Variants in KLHL26 observed in about 807,000 individuals in gnomAD.
KLHL26 encodes kelch-like protein 26.
KLHL26 carries 4 observed loss-of-function variants against 7.1 expected under a neutral mutation model. The observed-to-expected ratio is 0.56, with a 90% CI of 0.28 to 1.28. KLHL26 has a LOEUF of 1.28. KLHL26 is among the 50% of genes most tolerant of loss of function. The pLI is 0.11. For synonymous variants in KLHL26, 465 were observed against 414.1 expected, an observed-to-expected ratio of 1.12 and a Z score of -1.49; for missense variants, 896 against 924.6, an observed-to-expected ratio of 0.97 and a Z score of 0.40.
At chr19:18,664,138 C>A (rs1199565941) in intron 1 of KLHL26, 123 bp from the exon 2 acceptor site, 6 of 795,124 alleles carry the variant, frequency 7.5e-6, no homozygotes, top group African/African-American at 5.3e-5. Flanking sequence ...GGGCATTTCA[C>A]GTCAGTGGAG....
Position 18,646,913 on chromosome 19 carries a change from A to G in KLHL26, c.83+9776A>G, listed in dbSNP as rs1976811977. Reference sequence around the variant, plus strand: ...ACGTCCAGCGTGAGCTGGAGAGGGCAGGTTCCGCCAGGAGTAGGCCTGGGA... The same window carrying G: ...ACGTCCAGCGTGAGCTGGAGAGGGCGGGTTCCGCCAGGAGTAGGCCTGGGA... On this transcript the variant is annotated intron_variant, in intron 1 of 2. Transcript: ENST00000300976. The surrounding 1 kb of genome is among the most constrained non-coding windows in gnomAD (Gnocchi z 5.0). Among the ~76,000 whole-genome samples the G allele has an allele frequency of 7.1e-6, 1 of 140,524 alleles. No individual in the cohort carries two copies. The highest frequency in any genetic ancestry group is 2.6e-5 in the African/African-American group (1 of 37,916). The allele number at this position is 140,524 out of a possible 152,430, so 92.2% of individuals were successfully genotyped here.
chr19:18,645,478 G>T (rs1976785986), intron 1 of KLHL26, among the ~76,000 whole-genome samples: 2 of 152,052 alleles, frequency 1.3e-5, no homozygotes, highest in Admixed American at 1.3e-4. Flanking sequence ...GAGGTGGGGG[G>T]ATCTGGGTGA....
At chr19:18,667,334 C>T (rs529920328) in intron 2 of KLHL26, 1 of 409,724 alleles carries the variant, frequency 2.4e-6, no homozygotes, top group Non-Finnish European at 4.6e-6. Context: ...TGTGCCTGGC[C>T]TTTGCATGTT....
Position 18,670,462 on chromosome 19 carries a change from T to C in KLHL26, c.*1217T>C, listed in dbSNP as rs1010012088. On this transcript the variant is annotated 3_prime_UTR_variant, in exon 3 of 3. Transcript: ENST00000300976. ...TCTTAGCAGACATCGTCTCCTAATA[T>C]TTCCCTTTATTTAATAAAAATGTTA... is the stretch of plus-strand genomic sequence containing the variant. 6.6e-6 allele frequency: 1 copy of C among 152,188 alleles called. No homozygotes were observed. The highest frequency in any genetic ancestry group is 1.5e-5 in the Non-Finnish European group (1 of 68,034). 9.4% of individuals were successfully genotyped at this position (152,188 alleles called of 1,614,324 possible). A position where few individuals can be genotyped will look rare whatever the true frequency, so the allele number is the denominator to read the frequency against.
At chr19:18,637,656 G>C (rs1346293415) in intron 1 of KLHL26, among the ~76,000 whole-genome samples, 1 of 151,246 alleles carries the variant, frequency 6.6e-6, no homozygotes, top group Non-Finnish European at 1.5e-5. Flanking sequence ...GGCTCTGGGT[G>C]GGGGACTTAG....
chr19:18,671,036 C>T lies in KLHL26; in HGVS notation c.*1791C>T, dbSNP rs1268372651. ...ACCAACCTTGGCACTTTGGAAGAGC[C>T]TTCAGCCCCCTATTCTCATCATGGC... On this transcript the variant is annotated 3_prime_UTR_variant, in exon 3 of 3. Coordinates refer to ENST00000300976, the MANE Select transcript of KLHL26 (RefSeq NM_018316.3). The T allele has an allele frequency of 1.3e-5, 2 of 152,292 alleles. No homozygotes were observed. Among genetic ancestry groups the T allele is most frequent in the African/African-American group, 2.4e-5 (1 of 41,434 alleles). 9.4% of individuals were successfully genotyped at this position (152,292 alleles called of 1,614,324 possible).
At position 18,670,178 on chromosome 19, in the gene KLHL26, G is replaced by A. The variant is rs1301549768; in HGVS notation, c.*933G>A. The A allele has an allele frequency of 6.6e-6, 1 of 152,208 alleles. No individual in the cohort carries two copies. The highest frequency in any genetic ancestry group is 1.5e-5 in the Non-Finnish European group (1 of 68,054). The allele number at this position is 152,208 out of a possible 1,614,324, so 9.4% of individuals were successfully genotyped here. A position where few individuals can be genotyped will look rare whatever the true frequency, so the allele number is the denominator to read the frequency against. On this transcript the variant is annotated 3_prime_UTR_variant, in exon 3 of 3. Transcript: ENST00000300976. ...CACTCCCTGGCCTGCCCTGTTTTTG[G>A]GTCAACATTGCTACGGAGCCAGCAG...
rs116391575 is a variant in KLHL26 at position 18,661,534 on chromosome 19, T to C, written c.84-2727T>C. Among the ~76,000 whole-genome samples, 154 of 152,268 alleles carry C rather than the reference T, an allele frequency of 1.0e-3. 1 individual carries two copies. The highest frequency in any genetic ancestry group is 3.6e-3 in the African/African-American group (150 of 41,552). On this transcript the variant is annotated intron_variant, in intron 1 of 2. Transcript: ENST00000300976. ...CTGCCTCTTCCTTCCTCCTGCAGCC[T>C]TGACGTCATCCCCTGCATGCAACAT...
At chr19:18,643,289 AC>A (rs1976746832) in intron 1 of KLHL26, among the ~76,000 whole-genome samples, 1 of 151,394 alleles carries the variant, frequency 6.6e-6, no homozygotes, top group Non-Finnish European at 1.5e-5. Context: ...TACTAAAAAT[AC>A]AAAAATTAGC....
At chr19:18,643,350 C>T (rs1976747878) in intron 1 of KLHL26, among the ~76,000 whole-genome samples, 1 of 146,070 alleles carries the variant, frequency 6.8e-6, no homozygotes, top group African/African-American at 2.5e-5. Flanking sequence ...GAGGCTGAGG[C>T]AAGAGAATCA....
Position 18,664,456 on chromosome 19 carries a change from C to A in KLHL26, c.266+13C>A. ...GCGACTACTTCAGGTAAGTGCTGGC[C>A]CCAGGCAGCTGGAAGGGGCGGCTGC... On this transcript the variant is annotated intron_variant, in intron 2 of 2. Transcript: ENST00000300976. The A allele has an allele frequency of 6.5e-7, 1 of 1,542,228 alleles. No homozygotes were observed.
chr19:18,652,687 A>C, intron 1 of KLHL26, among the ~76,000 whole-genome samples: 1 of 147,946 alleles, frequency 6.8e-6, no homozygotes. Flanking sequence ...CTCAAACCCC[A>C]CCTCCCTGGC....
chr19:18,669,255 C>A lies in KLHL26; in HGVS notation c.*10C>A. ...CGGGACCAGGAGGTAGCCCCCAAGACCCCCGGGACCCTGGCCTGACCGCAT... is the reference window on the plus strand; with the variant it reads ...CGGGACCAGGAGGTAGCCCCCAAGAACCCCGGGACCCTGGCCTGACCGCAT... On this transcript the variant is annotated 3_prime_UTR_variant, in exon 3 of 3. Transcript: ENST00000300976. 2 of 1,598,196 alleles carry A rather than the reference C, an allele frequency of 1.3e-6. No homozygotes were observed. Among genetic ancestry groups the A allele is most frequent in the Middle Eastern group, 1.7e-4 (1 of 5,970 alleles).
rs190905566 is a variant in KLHL26, at chr19:18,668,171, G to C, written c.774G>C (p.Ser258=). ...LCHIRFPLMQ[S]SELVDSVQTL... Reference sequence around the variant, plus strand: ...ACATTCGCTTCCCGCTCATGCAGTCGTCCGAGCTGGTGGACAGCGTGCAGA... The same window carrying C: ...ACATTCGCTTCCCGCTCATGCAGTCCTCCGAGCTGGTGGACAGCGTGCAGA... Residue 258 remains serine (S), a synonymous_variant, in exon 3 of 3, where the codon TCG becomes TCC. Transcript: ENST00000300976. 5.6e-6 allele frequency: 9 copies of C among 1,609,816 alleles called. No individual in the cohort carries two copies. The South Asian group carries it at 9.9e-5, about 18-fold the overall frequency.
chr19:18,652,264 G>A (rs972138339), intron 1 of KLHL26, among the ~76,000 whole-genome samples: 1 of 152,110 alleles, frequency 6.6e-6, no homozygotes, highest in Non-Finnish European at 1.5e-5. Flanking sequence ...AGGTCTTGTG[G>A]GGAGGAACAA....
intron 1 of KLHL26, chr19:18,659,566 C>T (rs1427024082): frequency 2.6e-5 from 4 of 152,360 alleles, no homozygotes; most frequent in Admixed American, 6.5e-5. Context: ...CGTTCTGGCC[C>T]GAGCGCTGGG....
intron 2 of KLHL26, among the ~76,000 whole-genome samples, chr19:18,666,539 C>T (rs1290945159): frequency 6.6e-6 from 1 of 152,192 alleles, no homozygotes; most frequent in Non-Finnish European, 1.5e-5. Context: ...GTGTGCCTCC[C>T]CGCTGCCCTC....
intron 2 of KLHL26, among the ~76,000 whole-genome samples, chr19:18,666,392 C>T (rs1027089427): frequency 2.6e-5 from 4 of 152,224 alleles, no homozygotes; most frequent in Non-Finnish European, 1.5e-5. Flanking sequence ...GGGAGGTGCA[C>T]TGGCAGGAGT....
intron 2 of KLHL26, chr19:18,667,390 C>A: frequency 1.9e-6 from 1 of 535,320 alleles, no homozygotes; most frequent in Non-Finnish European, 3.3e-6. Context: ...GAGTCTCACT[C>A]TGTCACCCAG....
Sources: gnomAD v4.1 joint callset for allele counts (sites outside exome capture counted in the v4.1 genomes callset) on GRCh38, gnomAD v4.1.1 for gene constraint, Gnocchi (gnomAD v3.1) non-coding constraint, MANE v1.5 for transcripts, NCBI Gene and HGNC (gene_info 2026-07-23, HGNC 2026-07-21) for gene names.